Variants in ELP4 observed in about 807,000 individuals in gnomAD.
The protein encoded by ELP4 is elongator complex protein 4.
ELP4 carries 51 observed loss-of-function variants against 48.9 expected under a neutral mutation model. The observed-to-expected ratio is 1.04, with a 90% CI of 0.83 to 1.32. ELP4 has a LOEUF of 1.32. Among genes scored for constraint, ELP4 ranks in the 40% most tolerant of loss-of-function variants. The pLI is 0.00. For synonymous variants in ELP4, 210 were observed against 189.2 expected, an observed-to-expected ratio of 1.11 and a Z score of -0.90; for missense variants, 519 against 514.6, an observed-to-expected ratio of 1.01 and a Z score of -0.08.
chr11:31,566,053 C>T (rs535254644), intron 3 of ELP4, among the ~76,000 whole-genome samples: 2 of 152,026 alleles, frequency 1.3e-5, no homozygotes, highest in South Asian at 4.2e-4. Flanking sequence ...TTTTCTAGGC[C>T]AGGCACGGTG....
At chr11:31,728,756 T>C (rs188021225) in intron 9 of ELP4, among the ~76,000 whole-genome samples, 2 of 152,208 alleles carry the variant, frequency 1.3e-5, no homozygotes, top group Admixed American at 1.3e-4. Flanking sequence ...GTTATATAAA[T>C]AGGATAGCTA....
intron 9 of ELP4, among the ~76,000 whole-genome samples, chr11:31,722,911 G>C (rs1234789750): frequency 6.6e-6 from 1 of 152,168 alleles, no homozygotes; most frequent in African/African-American, 2.4e-5. Flanking sequence ...GAGCTGACGG[G>C]CTGTGGTCAC....
At chr11:31,590,244 A>G (rs1957545704) in intron 3 of ELP4, among the ~76,000 whole-genome samples, 1 of 151,818 alleles carries the variant, frequency 6.6e-6, no homozygotes, top group African/African-American at 2.4e-5. Context: ...AGCAAGTACT[A>G]TATATATATA....
At chr11:31,607,583 G>A (rs759276655) in intron 5 of ELP4, among the ~76,000 whole-genome samples, 7 of 152,246 alleles carry the variant, frequency 4.6e-5, no homozygotes, top group African/African-American at 1.4e-4. Flanking sequence ...TAAAGGCCTC[G>A]TCTCTTAATA....
At chr11:31,559,106 G>T (rs1316138533) in intron 3 of ELP4, among the ~76,000 whole-genome samples, 1 of 152,100 alleles carries the variant, frequency 6.6e-6, no homozygotes, top group African/African-American at 2.4e-5. Flanking sequence ...GAAAAAGGCA[G>T]CACACTGTCA....
chr11:31,539,391 T>C (rs1001716289), intron 2 of ELP4, among the ~76,000 whole-genome samples: 1 of 152,036 alleles, frequency 6.6e-6, no homozygotes, highest in African/African-American at 2.4e-5. Context: ...AGGCAGAGCT[T>C]GCAGTGAGCC....
chr11:31,646,837 G>T (rs1387260758), intron 7 of ELP4: 1 of 150,542 alleles, frequency 6.6e-6, no homozygotes, highest in Non-Finnish European at 1.5e-5. Context: ...ACCCTGTCAG[G>T]GGCTAAAAGG....
At chr11:31,626,444 T>C (rs553083285) in intron 5 of ELP4, among the ~76,000 whole-genome samples, 1 of 152,006 alleles carries the variant, frequency 6.6e-6, no homozygotes, top group Non-Finnish European at 1.5e-5. Flanking sequence ...ATTTTCCTCA[T>C]GCTTACTGAA....
At chr11:31,742,459 A>G (rs1445395295) in intron 9 of ELP4, among the ~76,000 whole-genome samples, 1 of 152,214 alleles carries the variant, frequency 6.6e-6, no homozygotes, top group East Asian at 1.9e-4. Context: ...CAGATTCATC[A>G]AAGTTGAAAT....
chr11:31,625,636 A>G (rs1592169543), intron 5 of ELP4, among the ~76,000 whole-genome samples: 1 of 151,824 alleles, frequency 6.6e-6, no homozygotes, highest in Non-Finnish European at 1.5e-5. Context: ...GTGGATTAGA[A>G]TGCATTGGCT....
At chr11:31,553,716 G>A (rs1032331726) in intron 3 of ELP4, among the ~76,000 whole-genome samples, 18 of 97,386 alleles carry the variant, frequency 1.8e-4, no homozygotes, top group African/African-American at 8.9e-4. Flanking sequence ...AAATCTCTTT[G>A]CACACACAAA....
At chr11:31,644,043 T>C (rs2134064323) in intron 7 of ELP4, among the ~76,000 whole-genome samples, 1 of 151,940 alleles carries the variant, frequency 6.6e-6, no homozygotes, top group South Asian at 2.1e-4. Flanking sequence ...CTGGCTTTCC[T>C]CTCTTCTGGC....
chr11:31,701,564 A>G (rs985138410), intron 9 of ELP4, among the ~76,000 whole-genome samples: 3 of 151,850 alleles, frequency 2.0e-5, no homozygotes, highest in African/African-American at 4.8e-5. Context: ...TTGCCTAAAC[A>G]TAATTTTATA....
Position 31,788,490 on chromosome 11 carries a change from G to C in ELP4, c.*4966G>C, listed in dbSNP as rs1023407245. On this transcript the variant is annotated 3_prime_UTR_variant, in exon 10 of 10. Coordinates refer to ENST00000640961, the MANE Select transcript of ELP4 (RefSeq NM_019040.5). ...AAAGGGAGAGGGCCTATTTGAAAAA[G>C]GCAACAGCTTTCAGAAAGTCTCCTT... is the stretch of plus-strand genomic sequence containing the variant. 1 of 223,816 alleles carries C rather than the reference G, an allele frequency of 4.5e-6. No individual in the cohort carries two copies. The highest frequency in any genetic ancestry group is 8.9e-6 in the Non-Finnish European group (1 of 112,180). 13.9% of individuals were successfully genotyped at this position (223,816 alleles called of 1,614,324 possible).
intron 1 of ELP4, chr11:31,511,509 G>GA (rs886568911): frequency 6.6e-6 from 1 of 152,044 alleles, no homozygotes; most frequent in Non-Finnish European, 1.5e-5. Context: ...ATAATGTGTA[G>GA]AAAAAAACTG....
intron 5 of ELP4, among the ~76,000 whole-genome samples, chr11:31,623,904 C>A (rs1944683179): frequency 6.6e-6 from 1 of 151,454 alleles, no homozygotes; most frequent in African/African-American, 2.4e-5. Context: ...GGATAAGGAC[C>A]AAAATAGACA....
intron 2 of ELP4, among the ~76,000 whole-genome samples, chr11:31,534,540 T>C (rs1459836800): frequency 6.6e-6 from 1 of 152,144 alleles, no homozygotes; most frequent in Non-Finnish European, 1.5e-5. Flanking sequence ...TAGAATATTA[T>C]TCAGCCTTAA....
chr11:31,666,955 A>T (rs1251494183), intron 9 of ELP4, among the ~76,000 whole-genome samples: 2 of 152,192 alleles, frequency 1.3e-5, no homozygotes, highest in African/African-American at 4.8e-5. Flanking sequence ...ATGTGTTAGT[A>T]TGTGGAGGAT....
At chr11:31,781,356 T>G (rs529690353) in intron 9 of ELP4, among the ~76,000 whole-genome samples, 81 of 152,114 alleles carry the variant, frequency 5.3e-4, no homozygotes, top group Non-Finnish European at 1.1e-3. Flanking sequence ...ATCTTAAACA[T>G]TAAAACTCAG....
Sources: gnomAD v4.1 joint callset for allele counts (sites outside exome capture counted in the v4.1 genomes callset) on GRCh38, gnomAD v4.1.1 for gene constraint, MANE v1.5 for transcripts, NCBI Gene and HGNC (gene_info 2026-07-23, HGNC 2026-07-21) for gene names.